Variants in BUB1B observed in about 807,000 individuals in gnomAD.
BUB1B encodes the protein BUB1 mitotic checkpoint serine/threonine kinase B, also known as mitotic checkpoint serine/threonine-protein kinase BUB1 beta.
In BUB1B, 86 loss-of-function variants were observed where a neutral mutation model predicts 137.7. The observed-to-expected ratio is 0.62, with a 90% CI of 0.52 to 0.75. BUB1B has a LOEUF of 0.75. Among genes scored for constraint, BUB1B ranks in the 30% least tolerant of loss-of-function variants. BUB1B has a pLI of 0.00. For missense variants in BUB1B, 1,130 were observed against 1,236.9 expected (o/e 0.91, Z 1.30); for synonymous variants, 420 against 417.9 (o/e 1.00, Z -0.06).
rs570110598 is a variant in BUB1B at position 40,184,674 on chromosome 15, T to A, written c.752-491T>A. The stretch of plus-strand genomic sequence containing the variant: ...GGTTCTAGAATTAGGATATAGGGAG[T>A]GTATGGTCCCAAAGGCTATTTCATC... On this transcript the variant is annotated intron_variant, in intron 6 of 22. Coordinates refer to ENST00000287598, the MANE Select transcript of BUB1B (RefSeq NM_001211.6). Among the ~76,000 whole-genome samples the A allele has an allele frequency of 3.6e-3, 544 of 152,034 alleles. 1 individual carries two copies. The highest frequency in any genetic ancestry group is 5.8e-3 in the Admixed American group (89 of 15,262).
intron 18 of BUB1B, among the ~76,000 whole-genome samples, chr15:40,211,615 T>C (rs1382167238): frequency 1.3e-5 from 2 of 152,166 alleles, no homozygotes; most frequent in African/African-American, 2.4e-5. Context: ...AACTGCTGCA[T>C]ATATAACATC....
chr15:40,219,958 A>T (rs530607892), intron 22 of BUB1B, among the ~76,000 whole-genome samples: 2 of 152,280 alleles, frequency 1.3e-5, no homozygotes, highest in African/African-American at 4.8e-5. Context: ...ACAATGTAAG[A>T]CATATAGGAT....
At chr15:40,186,388 A>G (rs1347064214) in intron 8 of BUB1B, among the ~76,000 whole-genome samples, 1 of 150,506 alleles carries the variant, frequency 6.6e-6, no homozygotes, top group Admixed American at 6.6e-5. Context: ...TAAATAAACA[A>G]GCCAGCCTGA....
chr15:40,206,403 C>T lies in BUB1B; in HGVS notation c.1954C>T (p.Gln652Ter), dbSNP rs1401171363. ...TCTAGATGTAAAGACCTCTGAGGAC[C>T]AGCAGACAGCTTGTGGCACTATCTA... The part of the protein sequence containing the change: ...EDLDVKTSED[Q>*]QTACGTIYSQ... The change falls in exon 15 of 23, where the codon CAG (glutamine) becomes TAG (stop). Residue 652 changes from glutamine to a stop codon, truncating the protein, a stop_gained. Coordinates refer to ENST00000287598, the MANE Select transcript of BUB1B (RefSeq NM_001211.6). LOFTEE classifies it high-confidence loss of function. 6.2e-7 allele frequency: 1 copy of T among 1,614,190 alleles called. No individual in the cohort carries two copies. Among genetic ancestry groups the T allele is most frequent in the Non-Finnish European group, 8.5e-7 (1 of 1,180,030 alleles).
chr15:40,209,417 C>T (rs2037681145), intron 16 of BUB1B, among the ~76,000 whole-genome samples: 1 of 152,222 alleles, frequency 6.6e-6, no homozygotes, highest in Non-Finnish European at 1.5e-5. Context: ...GAGCGAGACT[C>T]CGTCTCAAAG....
Position 40,185,160 on chromosome 15 carries a change from C to A in BUB1B, c.752-5C>A. 1 of 1,611,170 alleles carries A rather than the reference C, an allele frequency of 6.2e-7. No homozygotes were observed. The highest frequency in any genetic ancestry group is 1.1e-5 in the South Asian group (1 of 91,006). On this transcript the variant is annotated splice_region_variant and splice_polypyrimidine_tract_variant and intron_variant, in intron 6 of 22. Transcript: ENST00000287598. ...TACATGAGGTTTTAATATTTTTGCT[C>A]CTAGCTCCAAGCCAGAACAGAGGAC...
intron 8 of BUB1B, among the ~76,000 whole-genome samples, chr15:40,186,606 A>G (rs1032836233): frequency 1.5e-4 from 22 of 149,464 alleles, no homozygotes; most frequent in African/African-American, 4.4e-4. Flanking sequence ...CACCACGCCC[A>G]GCTAATTTTT....
intron 1 of BUB1B, among the ~76,000 whole-genome samples, chr15:40,162,781 A>G (rs1464896865): frequency 1.3e-5 from 2 of 152,148 alleles, no homozygotes; most frequent in Non-Finnish European, 2.9e-5. Context: ...TAACTGAGAT[A>G]GTGTAATTCA....
intron 20 of BUB1B, among the ~76,000 whole-genome samples, chr15:40,215,796 A>G (rs1002183790): frequency 3.3e-5 from 5 of 151,606 alleles, no homozygotes; most frequent in African/African-American, 1.2e-4. Context: ...AAAGCCAGAA[A>G]GGGCTGGATG....
In BUB1B at chr15:40,170,567, T is replaced by C; in HGVS notation, c.270T>C (p.Pro90=). ...TCAGCTGGACAGAGCAGAACTATCCTCAAGGTGGGAAGGAGAGTAATATGT... is the reference window on the plus strand; with the variant it reads ...TCAGCTGGACAGAGCAGAACTATCCCCAAGGTGGGAAGGAGAGTAATATGT... ...RYISWTEQNY[P]QGGKESNMST... is the part of the protein sequence containing the mutation. Residue 90 remains proline, a synonymous_variant, in exon 4 of 23, where the codon CCT becomes CCC. Transcript: ENST00000287598. The C allele has an allele frequency of 1.2e-6, 2 of 1,613,684 alleles. No individual in the cohort carries two copies. The highest frequency in any genetic ancestry group is 1.7e-6 in the Non-Finnish European group (2 of 1,179,646).
chr15:40,185,146 T>C lies in BUB1B; in HGVS notation c.752-19T>C. On this transcript the variant is annotated intron_variant, in intron 6 of 22. Transcript: ENST00000287598. ...ATAATGAAACATTTTACATGAGGTT[T>C]TAATATTTTTGCTCCTAGCTCCAAG... 1.3e-6 allele frequency: 2 copies of C among 1,591,718 alleles called. No homozygotes were observed. Among genetic ancestry groups the C allele is most frequent in the African/African-American group, 2.7e-5 (2 of 74,588 alleles).
At chr15:40,179,241 A>G (rs1331846914) in intron 5 of BUB1B, among the ~76,000 whole-genome samples, 1 of 152,056 alleles carries the variant, frequency 6.6e-6, no homozygotes, top group African/African-American at 2.4e-5. Flanking sequence ...TAGTTGTGAC[A>G]TGTATCAGTA....
intron 20 of BUB1B, among the ~76,000 whole-genome samples, chr15:40,215,207 T>C (rs1355398122): frequency 6.6e-6 from 1 of 152,182 alleles, no homozygotes; most frequent in Non-Finnish European, 1.5e-5. Context: ...CAGTGGCTCA[T>C]GCCTATAATC....
At chr15:40,202,744 A>G in intron 14 of BUB1B, 50 bp downstream of exon 14, 1 of 1,479,456 alleles carries the variant, frequency 6.8e-7, no homozygotes, top group Non-Finnish European at 9.5e-7. Flanking sequence ...TGGATTGTTT[A>G]TTCAAAACCA....
At chr15:40,202,715 G>T in intron 14 of BUB1B, 21 bp downstream of exon 14, 3 of 1,582,050 alleles carry the variant, frequency 1.9e-6, no homozygotes, top group Non-Finnish European at 2.6e-6. Flanking sequence ...GTATCCTTAA[G>T]TTAATGTAAA....
chr15:40,213,255 C>CA (rs2037736357), intron 19 of BUB1B, 77 bp from the exon 20 acceptor site: 1 of 1,514,280 alleles, frequency 6.6e-7, no homozygotes, highest in Non-Finnish European at 9.1e-7. Context: ...TACAAACCAT[C>CA]AGTTTTCAAG....
intron 14 of BUB1B, 104 bp from the exon 15 acceptor site, chr15:40,206,080 C>T: frequency 2.6e-6 from 3 of 1,176,412 alleles, no homozygotes; most frequent in South Asian, 2.6e-5. Context: ...TTCTGATATG[C>T]TATTTCTGTA....
chr15:40,210,108 A>G lies in BUB1B; in HGVS notation c.2285-2A>G, dbSNP rs147160147. The G allele has an allele frequency of 1.3e-6, 2 of 1,597,792 alleles. No homozygotes were observed. The highest frequency in any genetic ancestry group is 1.7e-6 in the Non-Finnish European group (2 of 1,165,518). ...TTAAATGGAATCAAACTTTCTCAAC[A>G]GGTAATGAGGATTACTGCATTAAAC... On this transcript the variant is annotated splice_acceptor_variant, in intron 17 of 22. Transcript: ENST00000287598. LOFTEE classifies it high-confidence loss of function.
intron 5 of BUB1B, among the ~76,000 whole-genome samples, chr15:40,177,822 T>G (rs1239789399): frequency 2.0e-5 from 3 of 151,764 alleles, no homozygotes; most frequent in Non-Finnish European, 4.4e-5. Flanking sequence ...CTTTGGTAGA[T>G]TTTTGTCTTT....
Sources: gnomAD v4.1 joint callset for allele counts (sites outside exome capture counted in the v4.1 genomes callset) on GRCh38, gnomAD v4.1.1 for gene constraint, MANE v1.5 for transcripts, NCBI Gene and HGNC (gene_info 2026-07-23, HGNC 2026-07-21) for gene names.